SEMA3D: variants seen among roughly 807,000 people sequenced by gnomAD.
The protein encoded by SEMA3D is semaphorin 3D.
SEMA3D carries 84 observed loss-of-function variants against 100.1 expected under a neutral mutation model. The ratio of observed to expected loss-of-function variants is 0.84; its 90% CI spans 0.70 to 1.01. The LOEUF is 1.01. Ranked by LOEUF, SEMA3D falls within the 50% of genes least tolerant of loss-of-function variation. The pLI is 0.00. For synonymous variants in SEMA3D, 312 were observed against 320.7 expected, an observed-to-expected ratio of 0.97 and a Z score of 0.29; for missense variants, 875 against 934.1, an observed-to-expected ratio of 0.94 and a Z score of 0.82.
rs568343204 is a variant in SEMA3D at position 84,998,547 on chromosome 7, T to C, written c.*893A>G. On this transcript the variant is annotated 3_prime_UTR_variant, in exon 19 of 19. Transcript: ENST00000284136. ...TATTTGTGATTGTTCTTCCTTTTCA[T>C]GGGGATATGAGTTTTCCCCAAAGCC... 6.6e-6 allele frequency: 1 copy of C among 152,158 alleles called. No homozygotes were observed. The highest frequency in any genetic ancestry group is 1.5e-5 in the Non-Finnish European group (1 of 68,002). 9.4% of individuals were successfully genotyped at this position (152,158 alleles called of 1,614,324 possible).
intron 8 of SEMA3D, among the ~76,000 whole-genome samples, chr7:85,064,643 T>G (rs543443062): frequency 1.3e-5 from 2 of 152,282 alleles, no homozygotes; most frequent in South Asian, 4.1e-4. Flanking sequence ...GCCTGCCTGC[T>G]TAAATTACAG....
At chr7:85,098,617 C>T (rs1050800277) in intron 3 of SEMA3D, among the ~76,000 whole-genome samples, 24 of 151,848 alleles carry the variant, frequency 1.6e-4, no homozygotes, top group Non-Finnish European at 1.6e-4. Context: ...TAGCTTCTCC[C>T]ATCATCAGCA....
chr7:85,205,366 G>A, the SEMA3D span, among the ~76,000 whole-genome samples: 7 of 152,050 alleles, frequency 4.6e-5, no homozygotes, highest in Non-Finnish European at 8.8e-5. Context: ...TGATGGATAC[G>A]CTAATTAGCT....
chr7:85,003,615 G>A (rs1012650801), intron 18 of SEMA3D, among the ~76,000 whole-genome samples: 6 of 142,410 alleles, frequency 4.2e-5, no homozygotes, highest in Non-Finnish European at 7.9e-5. Context: ...AAATGTATAT[G>A]TATAACATTA....
intron 10 of SEMA3D, chr7:85,041,656 A>G (rs1010606841): frequency 1.3e-5 from 2 of 152,476 alleles, no homozygotes; most frequent in Non-Finnish European, 2.9e-5. Flanking sequence ...AAAAAAGAAA[A>G]AAATCATTGT....
intron 1 of SEMA3D, among the ~76,000 whole-genome samples, chr7:85,181,280 A>G (rs1382887372): frequency 6.6e-6 from 1 of 151,408 alleles, no homozygotes; most frequent in Non-Finnish European, 1.5e-5. Flanking sequence ...GGGTGAGCCT[A>G]CAGCATCTTG....
the SEMA3D span, among the ~76,000 whole-genome samples, chr7:85,196,370 A>T: frequency 6.6e-6 from 1 of 152,140 alleles, no homozygotes; most frequent in Non-Finnish European, 1.5e-5. Flanking sequence ...ACAAACAAAC[A>T]TGGAAGAATA....
chr7:85,007,680 G>A (rs540302437), intron 17 of SEMA3D, among the ~76,000 whole-genome samples: 10 of 151,824 alleles, frequency 6.6e-5, no homozygotes, highest in African/African-American at 2.4e-4. Context: ...TGTGTCCCTT[G>A]TGTGATCTAA....
At chr7:85,139,937 AAC>A (rs1365010852) in intron 2 of SEMA3D, 4 of 162,310 alleles carry the variant, frequency 2.5e-5, no homozygotes, top group Non-Finnish European at 5.2e-5. Context: ...ACACCTAATA[AAC>A]ACCTTTTACC....
intron 2 of SEMA3D, among the ~76,000 whole-genome samples, chr7:85,132,088 T>C (rs1034558679): frequency 1.3e-5 from 2 of 151,982 alleles, no homozygotes; most frequent in Admixed American, 1.3e-4. Flanking sequence ...TATTTGTTTA[T>C]GATCAATTTT....
chr7:85,141,763 G>GT, intron 2 of SEMA3D: 1 of 830,722 alleles, frequency 1.2e-6, no homozygotes, highest in Middle Eastern at 6.4e-4. Flanking sequence ...TTTTCTCAAG[G>GT]TTTTTGCCAA....
the SEMA3D span, among the ~76,000 whole-genome samples, chr7:85,217,279 G>T: frequency 6.6e-6 from 1 of 151,904 alleles, no homozygotes; most frequent in Admixed American, 6.6e-5. Flanking sequence ...AGCTGCATAT[G>T]CCTGTTTCCA....
intron 13 of SEMA3D, among the ~76,000 whole-genome samples, chr7:85,021,223 T>C (rs555689435): frequency 2.6e-5 from 4 of 151,918 alleles, no homozygotes; most frequent in African/African-American, 4.8e-5. Flanking sequence ...TTTTTCCAAA[T>C]GTCAAAATTA....
intron 15 of SEMA3D, among the ~76,000 whole-genome samples, chr7:85,015,802 A>G (rs1206622688): frequency 6.6e-6 from 1 of 151,788 alleles, no homozygotes; most frequent in Non-Finnish European, 1.5e-5. Context: ...GATACTGAAA[A>G]ACCCAGCAAA....
chr7:85,226,683 T>TG, the SEMA3D span, among the ~76,000 whole-genome samples: 1 of 135,240 alleles, frequency 7.4e-6, no homozygotes, highest in African/African-American at 2.9e-5. Flanking sequence ...AAGATGAGGA[T>TG]TTTTTTTTTT....
rs1172663674 is a variant in SEMA3D at position 85,014,624 on chromosome 7, A to G, written c.1703+435T>C. Among the ~76,000 whole-genome samples, 3 of 151,912 alleles carry G rather than the reference A, an allele frequency of 2.0e-5. No homozygotes were observed. The East Asian group carries it at 5.9e-4, about 30-fold the overall frequency. ...AAAAATAAAATTATACCAAGTCACT[A>G]GGCTGCACTGTGGGTTTCATACAAT... is the stretch of plus-strand genomic sequence containing the variant. On this transcript the variant is annotated intron_variant, in intron 16 of 18. Transcript: ENST00000284136.
chr7:85,144,378 C>T (rs1342140660), intron 2 of SEMA3D: 1 of 706,888 alleles, frequency 1.4e-6, no homozygotes. Flanking sequence ...AATTAAATAA[C>T]ATAAAAGTTG....
chr7:85,224,126 C>T, the SEMA3D span, among the ~76,000 whole-genome samples: 1 of 152,096 alleles, frequency 6.6e-6, no homozygotes. Flanking sequence ...ATAAAGAAAG[C>T]TACATTATTT....
At chr7:85,197,379 A>G in the SEMA3D span, among the ~76,000 whole-genome samples, 1 of 152,170 alleles carries the variant, frequency 6.6e-6, no homozygotes, top group South Asian at 2.1e-4. Context: ...CCTTTCTGTG[A>G]TCCCAGGTTT....
Sources: allele counts gnomAD v4.1 joint callset (sites outside exome capture counted in the v4.1 genomes callset), GRCh38; gene constraint gnomAD v4.1.1; transcripts MANE v1.5; gene names NCBI Gene and HGNC (gene_info 2026-07-23, HGNC 2026-07-21).